Variants in EVC observed in about 807,000 individuals in gnomAD.
The protein encoded by EVC is EvC ciliary complex subunit 1.
Under a neutral mutation model 118.9 loss-of-function variants are expected in EVC, and 116 were observed. That is an observed-to-expected ratio of 0.98 (90% CI 0.84 to 1.14). EVC has a LOEUF of 1.14. EVC is among the 50% of genes most tolerant of loss of function. The pLI, the probability that EVC is intolerant of heterozygous loss-of-function variation, is 0.00. For missense variants in EVC, 1,401 were observed against 1,246.4 expected (o/e 1.12, Z -1.87); for synonymous variants, 619 against 534.7 (o/e 1.16, Z -2.18).
intron 18 of EVC, 99 bp from the exon 19 acceptor site, chr4:5,809,419 A>C (rs758923407): frequency 1.7e-5 from 18 of 1,049,384 alleles, no homozygotes; most frequent in Non-Finnish European, 2.5e-5. Flanking sequence ...CGTGGTCTTC[A>C]GTGGCCAGCC....
Position 5,719,503 on chromosome 4 carries a change from T to C in EVC, c.300+130T>C. 7.5e-7 allele frequency: 1 copy of C among 1,329,558 alleles called. No homozygotes were observed. Among genetic ancestry groups the C allele is most frequent in the Non-Finnish European group, 1.1e-6 (1 of 931,046 alleles). The allele number at this position is 1,329,558 out of a possible 1,614,324, so 82.4% of individuals were successfully genotyped here. A position where few individuals can be genotyped will look rare whatever the true frequency, so the allele number is the denominator to read the frequency against. ...CCCAATGGGCTGCTTTTCTGAGGCA[T>C]AATTTACATACAGTCAAATGCGCAG... On this transcript the variant is annotated intron_variant, in intron 2 of 20. Transcript: ENST00000264956. This position sits in a 1 kb window ranked among gnomAD's most constrained non-coding sequence, Gnocchi z 4.7.
Position 5,756,434 on chromosome 4 carries a change from T to A in EVC, c.1563+72T>A. ...TGTGTGCGAGAACCTCACATCCTCC[T>A]GGCTGGGGACCCCAGAGGTGGTTCA... On this transcript the variant is annotated intron_variant, in intron 11 of 20. Transcript: ENST00000264956. The surrounding 1 kb of genome is among the most constrained non-coding windows in gnomAD (Gnocchi z 4.2). The A allele has an allele frequency of 2.2e-6, 3 of 1,355,838 alleles. No homozygotes were observed. Among genetic ancestry groups the A allele is most frequent in the Non-Finnish European group, 3.1e-6 (3 of 969,422 alleles). 84.0% of individuals were successfully genotyped at this position (1,355,838 alleles called of 1,614,324 possible).
chr4:5,814,502 G>A (rs567043472), downstream of EVC, among the ~76,000 whole-genome samples: 5 of 152,060 alleles, frequency 3.3e-5, no homozygotes, highest in African/African-American at 7.2e-5. Context: ...CCTGCCATCC[G>A]CCCATCACAT....
chr4:5,806,038 A>G (rs1206176086), intron 17 of EVC, among the ~76,000 whole-genome samples: 1 of 149,472 alleles, frequency 6.7e-6, no homozygotes, highest in East Asian at 2.0e-4. Flanking sequence ...CTCCCCTCCC[A>G]TCGTCCCGCC....
At chr4:5,721,987 TAAAC>T (rs776031874) in intron 2 of EVC, among the ~76,000 whole-genome samples, 8 of 152,216 alleles carry the variant, frequency 5.3e-5, no homozygotes, top group East Asian at 3.8e-4. Flanking sequence ...ATAAAGCTGT[TAAAC>T]AATGCTGCTC....
intron 2 of EVC, among the ~76,000 whole-genome samples, chr4:5,727,839 G>C (rs4312701): frequency 0.94 from 132,907 of 141,312 alleles, 62,500 homozygotes; most frequent in Middle Eastern, 0.96. Flanking sequence ...AATCCTTTCC[G>C]CATTGCTTGT....
chr4:5,782,014 A>T (rs1360699453), intron 11 of EVC, among the ~76,000 whole-genome samples: 1 of 152,234 alleles, frequency 6.6e-6, no homozygotes, highest in East Asian at 1.9e-4. Context: ...GGGAGGGAAA[A>T]GGATTGCAGG....
At chr4:5,712,251 C>G (rs1002872849) in intron 1 of EVC, among the ~76,000 whole-genome samples, 1 of 152,238 alleles carries the variant, frequency 6.6e-6, no homozygotes, top group Admixed American at 6.5e-5. Flanking sequence ...CCTAAATGAT[C>G]TCAATGAATC....
At position 5,731,093 on chromosome 4, in the gene EVC, T is replaced by C. The variant is rs115572273; in HGVS notation, c.385-332T>C. Among the ~76,000 whole-genome samples, 831 of 151,662 alleles carry C rather than the reference T, an allele frequency of 5.5e-3. 12 individuals are homozygous for C. Among genetic ancestry groups the C allele is most frequent in the African/African-American group, 0.019 (797 of 41,342 alleles). On this transcript the variant is annotated intron_variant, in intron 3 of 20. Coordinates refer to ENST00000264956, the MANE Select transcript of EVC (RefSeq NM_153717.3). This position sits in a 1 kb window ranked among gnomAD's most constrained non-coding sequence, Gnocchi z 5.6. ...GAGAGAACTGGGTCAGGGCAAGCGG[T>C]GGCTATGGAGGAGGTAGGTCAGAGT...
At position 5,810,468 on chromosome 4, in the gene EVC, A is replaced by T. The variant is rs2279250; in HGVS notation, c.2894+18A>T. 1.9e-6 allele frequency: 3 copies of T among 1,589,116 alleles called. No homozygotes were observed. Among genetic ancestry groups the T allele is most frequent in the Non-Finnish European group, 2.6e-6 (3 of 1,165,794 alleles). On this transcript the variant is annotated intron_variant, in intron 20 of 20. Transcript: ENST00000264956. ...TCACTCAGGTATGACTGGGCCCCGG[A>T]CCTGTTGCCTGTGGCTGGGTTTGGT... is the stretch of plus-strand genomic sequence containing the variant.
intron 16 of EVC, among the ~76,000 whole-genome samples, chr4:5,804,488 T>C (rs1461119408): frequency 2.0e-5 from 3 of 152,154 alleles, no homozygotes; most frequent in African/African-American, 7.2e-5. Context: ...TTTCTCCTGA[T>C]ACAAGAAAGC....
At chr4:5,730,259 C>T (rs763648304) in intron 3 of EVC, among the ~76,000 whole-genome samples, 11 of 152,206 alleles carry the variant, frequency 7.2e-5, no homozygotes, top group Non-Finnish European at 1.6e-4. Flanking sequence ...GCACTCACAA[C>T]ATGTTAGGAT....
In EVC at chr4:5,797,058, G is replaced by C. The variant is rs1203700311; in HGVS notation, c.1923G>C (p.Leu641=). 6.2e-7 allele frequency: 1 copy of C among 1,613,318 alleles called. No individual in the cohort carries two copies. The highest frequency in any genetic ancestry group is 2.2e-5 in the East Asian group (1 of 44,870). The change falls in exon 14 of 21, where the codon CTG becomes CTC. Residue 641 remains leucine, a synonymous_variant. Transcript: ENST00000264956. ...GTGTCCTGCAGGGGCATGACCTGCT[G>C]TTGCGCTCAGCCCTCCGGAGGCTGG... The part of the protein sequence containing the change: ...TRCVLQGHDL[L]LRSALRRLAL...
chr4:5,824,032 G>T, the EVC span, among the ~76,000 whole-genome samples: 1 of 152,230 alleles, frequency 6.6e-6, no homozygotes, highest in South Asian at 2.1e-4. Flanking sequence ...GGAGGACTAA[G>T]AGTGAAACTG....
intron 2 of EVC, among the ~76,000 whole-genome samples, chr4:5,723,983 G>A (rs1577337800): frequency 6.6e-6 from 1 of 152,154 alleles, no homozygotes; most frequent in African/African-American, 2.4e-5. Context: ...AGGGAGGCCA[G>A]GAAGGATTTT....
At chr4:5,821,529 C>A in the EVC span, 1 of 543,142 alleles carries the variant, frequency 1.8e-6, no homozygotes, top group East Asian at 2.8e-5. The surrounding 1 kb of genome is among the most constrained non-coding windows in gnomAD (Gnocchi z 4.4). Context: ...ATGAAAACAC[C>A]ATGCTCCGAG....
downstream of EVC, among the ~76,000 whole-genome samples, chr4:5,818,205 A>G (rs1290952203): frequency 1.3e-5 from 2 of 152,184 alleles, no homozygotes; most frequent in Non-Finnish European, 2.9e-5. Flanking sequence ...GCCTGCCATC[A>G]TGAAGACGTG....
intron 3 of EVC, among the ~76,000 whole-genome samples, chr4:5,730,268 A>G (rs1449096872): frequency 6.6e-6 from 1 of 152,154 alleles, no homozygotes; most frequent in Non-Finnish European, 1.5e-5. Context: ...ACATGTTAGG[A>G]TCTTGTCAAT....
intron 6 of EVC, among the ~76,000 whole-genome samples, chr4:5,744,645 C>T (rs181499181): frequency 2.0e-4 from 30 of 152,272 alleles, no homozygotes; most frequent in African/African-American, 4.3e-4. Context: ...TAGCTAGTCA[C>T]GGGCAATGCT....
Sources: allele counts gnomAD v4.1 joint callset (sites outside exome capture counted in the v4.1 genomes callset), GRCh38; gene constraint gnomAD v4.1.1; non-coding constraint Gnocchi (gnomAD v3.1); transcripts MANE v1.5; gene names NCBI Gene and HGNC (gene_info 2026-07-23, HGNC 2026-07-21).